Variants in NGEF observed in about 807,000 individuals in gnomAD.
The protein encoded by NGEF is ephexin-1.
In NGEF, 31 loss-of-function variants were observed where a neutral mutation model predicts 80.9. That is an observed-to-expected ratio of 0.38 (90% CI 0.29 to 0.52). NGEF has a LOEUF of 0.52. Ranked by LOEUF, NGEF falls within the 20% of genes least tolerant of loss-of-function variation. The pLI is 0.84. For synonymous variants in NGEF, 371 were observed against 370.2 expected, an observed-to-expected ratio of 1.00 and a Z score of -0.03; for missense variants, 709 against 926.2, an observed-to-expected ratio of 0.77 and a Z score of 3.04.
At chr2:232,885,734 C>T (rs1249187808) in intron 9 of NGEF, among the ~76,000 whole-genome samples, 2 of 152,130 alleles carry the variant, frequency 1.3e-5, no homozygotes, top group Non-Finnish European at 2.9e-5. Context: ...CACCAAGGGA[C>T]CTAAAAATCC....
chr2:232,946,803 A>G (rs1301387395), intron 3 of NGEF, among the ~76,000 whole-genome samples: 3 of 152,226 alleles, frequency 2.0e-5, no homozygotes, highest in Non-Finnish European at 4.4e-5. Flanking sequence ...GCCAGCTGGG[A>G]GGGGCTCCTA....
At chr2:233,003,694 C>A (rs1359328670) in intron 1 of NGEF, among the ~76,000 whole-genome samples, 1 of 152,124 alleles carries the variant, frequency 6.6e-6, no homozygotes, top group East Asian at 1.9e-4. Flanking sequence ...CAGGGCCAGG[C>A]CCTGGAGAAA....
At chr2:232,948,075 C>T (rs530044144) in intron 3 of NGEF, among the ~76,000 whole-genome samples, 2 of 151,806 alleles carry the variant, frequency 1.3e-5, no homozygotes, top group East Asian at 1.9e-4. Flanking sequence ...AATTTTGATT[C>T]ACAAATACCA....
At chr2:232,893,266 C>T (rs1691941531) in intron 6 of NGEF, among the ~76,000 whole-genome samples, 1 of 152,184 alleles carries the variant, frequency 6.6e-6, no homozygotes, top group African/African-American at 2.4e-5. Context: ...GCTGATGGTG[C>T]TGGGAGCACC....
chr2:232,970,868 C>T (rs999797882), intron 2 of NGEF, among the ~76,000 whole-genome samples: 7 of 151,540 alleles, frequency 4.6e-5, no homozygotes, highest in South Asian at 2.1e-4. Flanking sequence ...AACATACATA[C>T]GTAGTCAGTG....
At chr2:232,995,682 T>C (rs1364226723) in intron 1 of NGEF, among the ~76,000 whole-genome samples, 1 of 136,724 alleles carries the variant, frequency 7.3e-6, no homozygotes, top group Non-Finnish European at 1.6e-5. Context: ...ATGTATTATA[T>C]ATATTATAGT....
intron 3 of NGEF, among the ~76,000 whole-genome samples, chr2:232,929,354 G>A (rs1693170617): frequency 6.6e-6 from 1 of 152,190 alleles, no homozygotes; most frequent in Admixed American, 6.5e-5. Context: ...AGGGAGGGTT[G>A]GGGAGGAAGC....
chr2:232,977,587 A>G (rs1694322659), intron 1 of NGEF, among the ~76,000 whole-genome samples: 1 of 152,164 alleles, frequency 6.6e-6, no homozygotes, highest in South Asian at 2.1e-4. Context: ...GCTTTCAGTG[A>G]AGAGCTGGAC....
intron 5 of NGEF, among the ~76,000 whole-genome samples, chr2:232,906,017 A>C (rs1321167403): frequency 2.6e-5 from 3 of 113,930 alleles, no homozygotes; most frequent in Admixed American, 8.5e-5. Context: ...TCCGGGAGGG[A>C]GGTGGGGGGG....
In NGEF at chr2:232,995,296, A is replaced by C. The variant is rs1190520390; in HGVS notation, c.-75+17772T>G. On this transcript the variant is annotated intron_variant, in intron 1 of 14. Transcript: ENST00000264051. ...GCTGTGTACAGTATGTATACTGTATATGTGTACAGTATGTATACTGTATAT... is the reference window on the plus strand; with the variant it reads ...GCTGTGTACAGTATGTATACTGTATCTGTGTACAGTATGTATACTGTATAT... 2.7e-4 allele frequency among the ~76,000 whole-genome samples: 7 copies of C among 26,068 alleles called. 2 individuals are homozygous for C. The highest frequency in any genetic ancestry group is 3.9e-4 in the Non-Finnish European group (6 of 15,204). 17.1% of individuals were successfully genotyped at this position (26,068 alleles called of 152,430 possible).
intron 8 of NGEF, among the ~76,000 whole-genome samples, chr2:232,889,320 C>T (rs1691803625): frequency 6.6e-6 from 1 of 152,164 alleles, no homozygotes; most frequent in Non-Finnish European, 1.5e-5. Flanking sequence ...CTGGCACGTG[C>T]TCTCCCACGC....
intron 3 of NGEF, among the ~76,000 whole-genome samples, chr2:232,951,364 A>C (rs2106305866): frequency 6.6e-6 from 1 of 152,274 alleles, no homozygotes; most frequent in East Asian, 1.9e-4. Context: ...CATCCCACTG[A>C]TGCTGCGCAC....
chr2:232,907,179 G>GAAAAAAAAGAAAAAAAAAAA (rs1692584085), intron 5 of NGEF, among the ~76,000 whole-genome samples: 1 of 25,508 alleles, frequency 3.9e-5, no homozygotes, highest in Non-Finnish European at 8.2e-5. Context: ...AAAAAGAAAA[G>GAAAAAAAAGAAAAAAAAAAA]AAAAAAAAGA....
chr2:233,009,249 T>G (rs935754443), intron 1 of NGEF, among the ~76,000 whole-genome samples: 1 of 152,186 alleles, frequency 6.6e-6, no homozygotes, highest in African/African-American at 2.4e-5. Flanking sequence ...CAGTTTTAGC[T>G]CCCACATATG....
At chr2:232,947,351 A>T (rs1275123774) in intron 3 of NGEF, among the ~76,000 whole-genome samples, 1 of 152,192 alleles carries the variant, frequency 6.6e-6, no homozygotes, top group Non-Finnish European at 1.5e-5. Context: ...TGAAGGAGAC[A>T]CAGGGAGTGA....
At chr2:232,931,275 G>C (rs1693211725) in intron 3 of NGEF, among the ~76,000 whole-genome samples, 1 of 152,158 alleles carries the variant, frequency 6.6e-6, no homozygotes, top group South Asian at 2.1e-4. Flanking sequence ...CCCCACAGCT[G>C]GGTGGGGCAC....
At chr2:232,906,427 CCGTCTGGG>C in intron 5 of NGEF, among the ~76,000 whole-genome samples, 1 of 109,574 alleles carries the variant, frequency 9.1e-6, no homozygotes, top group Non-Finnish European at 2.0e-5. Context: ...GTCAGCCACC[CCGTCTGGG>C]AGGTGAGGGG....
intron 9 of NGEF, among the ~76,000 whole-genome samples, chr2:232,886,140 G>A (rs201638767): frequency 4.2e-5 from 1 of 23,746 alleles, no homozygotes; most frequent in African/African-American, 1.9e-4. Context: ...TGCAGTGTGT[G>A]CTGTGTATGC....
intron 1 of NGEF, among the ~76,000 whole-genome samples, chr2:233,001,297 A>G (rs1025666110): frequency 6.6e-6 from 1 of 152,196 alleles, no homozygotes; most frequent in East Asian, 1.9e-4. Context: ...AACATCTCTC[A>G]TCACCCCCAA....
Sources: allele counts gnomAD v4.1 joint callset (sites outside exome capture counted in the v4.1 genomes callset), GRCh38; gene constraint gnomAD v4.1.1; transcripts MANE v1.5; gene names NCBI Gene and HGNC (gene_info 2026-07-23, HGNC 2026-07-21).